DISC1: variants seen among roughly 807,000 people sequenced by gnomAD.
DISC1 encodes disrupted in schizophrenia 1 protein.
Under a neutral mutation model 84.5 loss-of-function variants are expected in DISC1, and 57 were observed. The observed-to-expected ratio is 0.67, with a 90% CI of 0.55 to 0.84. The LOEUF (loss-of-function observed/expected upper bound fraction) is 0.84. DISC1 is among the 40% of genes least tolerant of loss of function. DISC1 has a pLI of 0.00. For missense variants in DISC1, 1,000 were observed against 1,057.8 expected, an observed-to-expected ratio of 0.95 and a Z score of 0.76; for synonymous variants, 411 against 415.2, an observed-to-expected ratio of 0.99 and a Z score of 0.12.
chr1:231,786,306 C>A (rs958046330), intron 6 of DISC1, among the ~76,000 whole-genome samples: 7 of 152,092 alleles, frequency 4.6e-5, no homozygotes, highest in African/African-American at 7.2e-5. Flanking sequence ...AAGATGGAGC[C>A]CCAGATGAAA....
chr1:232,015,548 C>T (rs1668413805), intron 11 of DISC1, among the ~76,000 whole-genome samples: 1 of 152,156 alleles, frequency 6.6e-6, no homozygotes, highest in Admixed American at 6.5e-5. Context: ...ACCCTGCCCC[C>T]TCATCACAGC....
intron 9 of DISC1, among the ~76,000 whole-genome samples, chr1:231,835,828 TATC>T (rs2125839866): frequency 1.3e-5 from 2 of 152,318 alleles, no homozygotes; most frequent in South Asian, 2.1e-4. Flanking sequence ...TAAAAAATAA[TATC>T]ATGTTGAGAT....
At chr1:232,023,005 A>G (rs1669108611) in intron 11 of DISC1, among the ~76,000 whole-genome samples, 2 of 152,098 alleles carry the variant, frequency 1.3e-5, no homozygotes, top group Admixed American at 1.3e-4. Flanking sequence ...CCCTTATGCT[A>G]CATTGTTTGT....
At chr1:231,903,914 C>T (rs1365473856) in intron 9 of DISC1, among the ~76,000 whole-genome samples, 1 of 152,222 alleles carries the variant, frequency 6.6e-6, no homozygotes, top group Non-Finnish European at 1.5e-5. Context: ...TGTTCTGTTG[C>T]TGCAGTCAAG....
At chr1:231,912,540 A>T (rs1185424676) in intron 9 of DISC1, among the ~76,000 whole-genome samples, 1 of 152,150 alleles carries the variant, frequency 6.6e-6, no homozygotes, top group Non-Finnish European at 1.5e-5. Flanking sequence ...CTTCCTCTGG[A>T]AGCTTCGTCT....
intron 1 of DISC1, among the ~76,000 whole-genome samples, chr1:231,657,780 C>T (rs542813122): frequency 6.6e-6 from 1 of 152,226 alleles, no homozygotes; most frequent in South Asian, 2.1e-4. Context: ...TGTTGAAGAT[C>T]AGATGGTTGT....
At chr1:231,831,605 G>A (rs533794619) in intron 9 of DISC1, among the ~76,000 whole-genome samples, 1 of 152,294 alleles carries the variant, frequency 6.6e-6, no homozygotes, top group East Asian at 1.9e-4. Flanking sequence ...GCCTTTTGAT[G>A]GCCTTTGCAG....
At chr1:231,633,139 A>C (rs2058878377) in intron 1 of DISC1, among the ~76,000 whole-genome samples, 1 of 152,232 alleles carries the variant, frequency 6.6e-6, no homozygotes, top group Non-Finnish European at 1.5e-5. Flanking sequence ...ATGTCAATGG[A>C]TCCTTAAGAA....
intron 10 of DISC1, among the ~76,000 whole-genome samples, chr1:232,007,019 G>T (rs895396585): frequency 4.6e-5 from 7 of 152,216 alleles, no homozygotes; most frequent in African/African-American, 1.4e-4. Flanking sequence ...CTTACATGTG[G>T]TGTTGGACCT....
At position 231,958,810 on chromosome 1, in the gene DISC1, T is replaced by G; in HGVS notation, c.1982-18T>G. The G allele has an allele frequency of 6.2e-7, 1 of 1,611,798 alleles. No homozygotes were observed. Among genetic ancestry groups the G allele is most frequent in the Non-Finnish European group, 8.5e-7 (1 of 1,178,770 alleles). ...GACTGCAGTTGCATTAACTTTGGATTTCCTTTTTTTCCCCCAGAAACAAGT... is the reference window on the plus strand; with the variant it reads ...GACTGCAGTTGCATTAACTTTGGATGTCCTTTTTTTCCCCCAGAAACAAGT... On this transcript the variant is annotated intron_variant, in intron 9 of 12. Transcript: ENST00000439617.
chr1:231,738,128 T>C (rs1205985162), intron 3 of DISC1, among the ~76,000 whole-genome samples: 1 of 152,154 alleles, frequency 6.6e-6, no homozygotes, highest in South Asian at 2.1e-4. Flanking sequence ...GGATTACAGG[T>C]GTGAATCATG....
chr1:231,713,813 T>TATATATATAGGAGAG (rs1302442411), intron 3 of DISC1, among the ~76,000 whole-genome samples: 2 of 143,128 alleles, frequency 1.4e-5, no homozygotes, highest in African/African-American at 2.6e-5. Context: ...ATATAGGAGA[T>TATATATATAGGAGAG]ATATATATAG....
At position 231,964,915 on chromosome 1, in the gene DISC1, G is replaced by A. The variant is rs4658895; in HGVS notation, c.2042+6027G>A. ...GAAGCAGCTGAGAACAGAATGGATT[G>A]CTCCTTTTCCATTAGAATGCTGGAG... On this transcript the variant is annotated intron_variant, in intron 10 of 12. Transcript: ENST00000439617. Among the ~76,000 whole-genome samples the A allele has an allele frequency of 8.0e-3, 1,225 of 152,352 alleles. 40 individuals are homozygous for A. The highest frequency in any genetic ancestry group is 0.065 in the Admixed American group (1,002 of 15,302).
At chr1:231,691,925 C>G (rs1330821456) in intron 1 of DISC1, among the ~76,000 whole-genome samples, 1 of 152,220 alleles carries the variant, frequency 6.6e-6, no homozygotes, top group South Asian at 2.1e-4. Context: ...TCATCACATC[C>G]TTTTCTACTG....
At chr1:232,033,441 C>T (rs1163851687) in intron 12 of DISC1, among the ~76,000 whole-genome samples, 3 of 152,226 alleles carry the variant, frequency 2.0e-5, no homozygotes, top group Non-Finnish European at 4.4e-5. Flanking sequence ...CCTCTTTAAT[C>T]CATTCTCAGC....
intron 9 of DISC1, among the ~76,000 whole-genome samples, chr1:231,926,270 C>A (rs1031402761): frequency 6.6e-6 from 1 of 152,070 alleles, no homozygotes; most frequent in African/African-American, 2.4e-5. Flanking sequence ...CAAATTAATA[C>A]CTTTGGGATC....
At chr1:231,768,001 G>T (rs564138325) in intron 5 of DISC1, among the ~76,000 whole-genome samples, 1 of 152,298 alleles carries the variant, frequency 6.6e-6, no homozygotes, top group Non-Finnish European at 1.5e-5. Context: ...GGCACATCTG[G>T]AATGATTAGC....
chr1:231,859,557 A>C (rs1162048539), intron 9 of DISC1, among the ~76,000 whole-genome samples: 1 of 71,868 alleles, frequency 1.4e-5, no homozygotes, highest in Admixed American at 1.8e-4. Flanking sequence ...CTACATCTTA[A>C]TACCATCACT....
chr1:231,874,859 C>G (rs986527907), intron 9 of DISC1, among the ~76,000 whole-genome samples: 10 of 147,698 alleles, frequency 6.8e-5, no homozygotes, highest in African/African-American at 2.0e-4. Flanking sequence ...TGCAGTGAGC[C>G]GAGATCGCGC....
Sources: allele counts gnomAD v4.1 joint callset (sites outside exome capture counted in the v4.1 genomes callset), GRCh38; gene constraint gnomAD v4.1.1; transcripts MANE v1.5; gene names NCBI Gene and HGNC (gene_info 2026-07-23, HGNC 2026-07-21).